The following MOCOS variants were observed in gnomAD, a reference collection of about 807,000 sequenced individuals.
MOCOS encodes the protein human molybdenum cofactor sulfurase.
A neutral mutation model predicts 83.6 loss-of-function variants in MOCOS; 86 were observed. The ratio of observed to expected loss-of-function variants is 1.03; its 90% confidence interval spans 0.86 to 1.23. The LOEUF (loss-of-function observed/expected upper bound fraction) is 1.23. MOCOS is among the 50% of genes most tolerant of loss of function. The probability of loss-of-function intolerance (pLI) is 0.00; values close to 1 mark genes in which losing one functional copy is unlikely to be tolerated. For missense variants in MOCOS, 1,120 were observed against 1,126.9 expected, an observed-to-expected ratio of 0.99 and a Z score of 0.09; for synonymous variants, 445 against 434.7, an observed-to-expected ratio of 1.02 and a Z score of -0.29.
At chr18:36,249,844 C>T (rs2091615514) in intron 10 of MOCOS, among the ~76,000 whole-genome samples, 1 of 152,118 alleles carries the variant, frequency 6.6e-6, no homozygotes. Flanking sequence ...GTTTCTAAAA[C>T]CTAGCTTTCA....
rs1342233547 is a variant in MOCOS at position 36,248,967 on chromosome 18, C to T, written c.2006C>T (p.Thr669Ile). 1.9e-6 allele frequency: 3 copies of T among 1,614,164 alleles called. No individual in the cohort carries two copies. The highest frequency in any genetic ancestry group is 3.3e-4 in the Middle Eastern group (2 of 6,060). ...EVPLEENSER[T>I]QIRQSRVCAD... ...CCTCTTGAGGAAAATAGTGAACGGA[C>T]TCAGATTCGCCAAAGCAGGGTCTGT... Residue 669 changes from threonine (T) to isoleucine (I), a missense_variant, in exon 10 of 15, where the codon ACT (threonine) becomes ATT (isoleucine). Thr to Ile is a moderately conservative substitution (Grantham distance 89). Coordinates refer to ENST00000261326, the MANE Select transcript of MOCOS (RefSeq NM_017947.4).
Position 36,199,927 on chromosome 18 carries a change from G to T in MOCOS, c.544G>T (p.Glu182Ter). ...VRPEDLWSAE[E>*]RSASASNPDC... is the part of the protein sequence containing the mutation. ...GCCAGAGGACCTGTGGTCTGCAGAG[G>T]AACGTAGTGCTTCAGCCAGCAACCC... The change falls in exon 4 of 15, where the codon GAA becomes TAA. Residue 182 changes from glutamate (E) to a stop codon, truncating the protein, a stop_gained. Transcript: ENST00000261326. LOFTEE classifies it high-confidence loss of function. The T allele has an allele frequency of 6.2e-7, 1 of 1,614,188 alleles. No individual in the cohort carries two copies.
chr18:36,264,439 G>T (rs1007641773), intron 13 of MOCOS, among the ~76,000 whole-genome samples: 17 of 152,248 alleles, frequency 1.1e-4, no homozygotes, highest in African/African-American at 3.9e-4. Flanking sequence ...AGCCACACTG[G>T]CTCCTCGAGG....
intron 9 of MOCOS, among the ~76,000 whole-genome samples, chr18:36,230,337 G>C (rs1437222827): frequency 1.3e-5 from 2 of 151,972 alleles, no homozygotes; most frequent in Non-Finnish European, 2.9e-5. Flanking sequence ...CACCCACCTT[G>C]GTCTCCCAAA....
At chr18:36,210,220 A>G (rs1329689753) in intron 6 of MOCOS, among the ~76,000 whole-genome samples, 1 of 152,134 alleles carries the variant, frequency 6.6e-6, no homozygotes, top group Non-Finnish European at 1.5e-5. Flanking sequence ...TTCATTTCCC[A>G]AGGAATCTTT....
intron 9 of MOCOS, among the ~76,000 whole-genome samples, chr18:36,235,405 G>C (rs2091554359): frequency 1.6e-5 from 2 of 128,320 alleles, no homozygotes; most frequent in Non-Finnish European, 1.6e-5. Flanking sequence ...TCTTGTGATA[G>C]TTTACTGAGA....
At chr18:36,213,620 G>A (rs2144914442) in intron 7 of MOCOS, 138 bp downstream of exon 7, 2 of 778,836 alleles carry the variant, frequency 2.6e-6, no homozygotes, top group South Asian at 1.4e-5. Context: ...AAAGGAAAAG[G>A]AATACAAATG....
chr18:36,256,873 G>C, intron 11 of MOCOS, 95 bp from the exon 12 acceptor site: 1 of 1,095,304 alleles, frequency 9.1e-7, no homozygotes, highest in South Asian at 1.2e-5. Context: ...TGTAGAAATA[G>C]TCTCTACCTT....
At chr18:36,253,420 G>A (rs1417318979) in intron 11 of MOCOS, among the ~76,000 whole-genome samples, 2 of 152,042 alleles carry the variant, frequency 1.3e-5, no homozygotes, top group Admixed American at 6.6e-5. Flanking sequence ...GTAGTCCCAG[G>A]ACTTTGGGAG....
intron 9 of MOCOS, among the ~76,000 whole-genome samples, chr18:36,231,997 C>T (rs1016890910): frequency 1.3e-5 from 2 of 152,118 alleles, no homozygotes; most frequent in Non-Finnish European, 2.9e-5. Context: ...GACACGTTCT[C>T]ACTGTGTCAC....
intron 6 of MOCOS, among the ~76,000 whole-genome samples, chr18:36,209,442 A>C (rs934165678): frequency 2.0e-5 from 3 of 152,154 alleles, no homozygotes; most frequent in Non-Finnish European, 4.4e-5. Context: ...CCGTCACTTA[A>C]GCAGTGTACA....
At chr18:36,237,646 T>G (rs1309565689) in intron 9 of MOCOS, among the ~76,000 whole-genome samples, 2 of 152,148 alleles carry the variant, frequency 1.3e-5, no homozygotes, top group Non-Finnish European at 2.9e-5. Context: ...GCTGGCCTCA[T>G]AAAATGAGTT....
At chr18:36,253,396 G>A (rs549517962) in intron 11 of MOCOS, among the ~76,000 whole-genome samples, 7 of 152,278 alleles carry the variant, frequency 4.6e-5, no homozygotes, top group East Asian at 1.9e-4. Flanking sequence ...GGCCAGGCGC[G>A]GTGGCTCACG....
chr18:36,238,943 A>C (rs1210947799), intron 9 of MOCOS, among the ~76,000 whole-genome samples: 1 of 150,642 alleles, frequency 6.6e-6, no homozygotes, highest in Admixed American at 6.6e-5. Flanking sequence ...TTTATCAGAG[A>C]CTAGGATTGC....
intron 9 of MOCOS, among the ~76,000 whole-genome samples, chr18:36,236,171 A>G (rs892615111): frequency 9.2e-6 from 1 of 109,120 alleles, no homozygotes; most frequent in East Asian, 2.6e-4. Context: ...TTTTGTTGCC[A>G]TTGCTTTTGG....
intron 1 of MOCOS, among the ~76,000 whole-genome samples, chr18:36,189,647 A>G (rs1050493192): frequency 1.3e-5 from 2 of 152,196 alleles, no homozygotes; most frequent in Non-Finnish European, 2.9e-5. Context: ...AAGGGAGAGT[A>G]TTGAATATAC....
chr18:36,263,600 G>T (rs988839102), intron 13 of MOCOS, among the ~76,000 whole-genome samples: 3 of 152,150 alleles, frequency 2.0e-5, no homozygotes, highest in Admixed American at 1.3e-4. Flanking sequence ...GACACAGTCT[G>T]GGATGGTCTG....
intron 9 of MOCOS, among the ~76,000 whole-genome samples, chr18:36,247,566 C>T (rs1040645917): frequency 6.6e-6 from 1 of 152,146 alleles, no homozygotes; most frequent in Non-Finnish European, 1.5e-5. Flanking sequence ...GACCAGGAGT[C>T]CCTACAGGGC....
intron 13 of MOCOS, among the ~76,000 whole-genome samples, chr18:36,266,348 C>G (rs2091681845): frequency 6.6e-6 from 1 of 152,110 alleles, no homozygotes; most frequent in South Asian, 2.1e-4. Context: ...GATGTCCAGG[C>G]TGGTCCTGAA....
Sources: allele counts gnomAD v4.1 joint callset (sites outside exome capture counted in the v4.1 genomes callset), GRCh38; gene constraint gnomAD v4.1.1; transcripts MANE v1.5; gene names NCBI Gene and HGNC (gene_info 2026-07-23, HGNC 2026-07-21).